The following LRRFIP1 variants were observed in gnomAD, a reference collection of about 807,000 sequenced individuals.
LRRFIP1 encodes leucine-rich repeat flightless-interacting protein 1.
A neutral mutation model predicts 104.4 loss-of-function variants in LRRFIP1; 62 were observed. That is an observed-to-expected ratio of 0.59 (90% CI 0.48 to 0.73). LRRFIP1 has a LOEUF of 0.73. Among genes scored for constraint, LRRFIP1 ranks in the 30% least tolerant of loss-of-function variants. The pLI is 0.00. For missense variants in LRRFIP1, 796 were observed against 824.5 expected, an observed-to-expected ratio of 0.97 and a Z score of 0.42; for synonymous variants, 300 against 299.0, an observed-to-expected ratio of 1.00 and a Z score of -0.03.
chr2:237,656,472 G>A (rs2086832823), intron 1 of LRRFIP1, among the ~76,000 whole-genome samples: 2 of 152,184 alleles, frequency 1.3e-5, no homozygotes. Context: ...AAGTTAACTA[G>A]TATTTACTGA....
In LRRFIP1 at chr2:237,739,279, C is replaced by T. The variant is rs759174577; in HGVS notation, c.603C>T (p.Ser201=). The change falls in exon 11 of 24, where the codon TCC becomes TCT. Residue 201 remains serine (S), a synonymous_variant. Transcript: ENST00000308482. Reference sequence around the variant, plus strand: ...TCAACTCCAGCTCCCGCGCCTCCTCCAGGGCCAGCTCGGCCCGGGCCAGCC... The same window carrying T: ...TCAACTCCAGCTCCCGCGCCTCCTCTAGGGCCAGCTCGGCCCGGGCCAGCC... The part of the protein sequence containing the change: ...GHLNSSSRAS[S]RASSARASPV... The T allele has an allele frequency of 3.2e-6, 5 of 1,564,388 alleles. No homozygotes were observed. The Admixed American group carries it at 5.6e-5, about 17-fold the overall frequency.
At chr2:237,684,749 T>G (rs912887174) in intron 1 of LRRFIP1, among the ~76,000 whole-genome samples, 1 of 152,108 alleles carries the variant, frequency 6.6e-6, no homozygotes, top group African/African-American at 2.4e-5. Context: ...TGTCGTGTTT[T>G]TAGAAGGTAA....
intron 16 of LRRFIP1, 27 bp downstream of exon 16, chr2:237,756,214 T>C: frequency 3.8e-6 from 6 of 1,567,594 alleles, no homozygotes; most frequent in Non-Finnish European, 3.5e-6. Context: ...TGCTTTTCTT[T>C]TCCTTTTTTC....
chr2:237,747,077 G>C (rs2057974628), intron 11 of LRRFIP1, among the ~76,000 whole-genome samples: 1 of 152,210 alleles, frequency 6.6e-6, no homozygotes, highest in Admixed American at 6.5e-5. Flanking sequence ...GAGACCATCT[G>C]ATGGCTTTGG....
intron 1 of LRRFIP1, among the ~76,000 whole-genome samples, chr2:237,658,219 C>G (rs2149442785): frequency 6.6e-6 from 1 of 152,084 alleles, no homozygotes; most frequent in East Asian, 1.9e-4. Flanking sequence ...TATAAAATAC[C>G]AAGGAATAAG....
rs1020008617 is a variant in LRRFIP1 at position 237,717,114 on chromosome 2, A to T, written c.202-648A>T. On this transcript the variant is annotated intron_variant, in intron 3 of 23. Coordinates refer to ENST00000308482, the MANE Select transcript of LRRFIP1 (RefSeq NM_001137550.2). This position sits in a 1 kb window ranked among gnomAD's most constrained non-coding sequence, Gnocchi z 4.2. ...TGGTCCAAGGAAGCCAAAAGATTGGACACCCCTGAGCTAATGTCACCTCCA... is the reference window on the plus strand; with the variant it reads ...TGGTCCAAGGAAGCCAAAAGATTGGTCACCCCTGAGCTAATGTCACCTCCA... Among the ~76,000 whole-genome samples the T allele has an allele frequency of 6.6e-6, 1 of 152,014 alleles. No homozygotes were observed. The highest frequency in any genetic ancestry group is 2.4e-5 in the African/African-American group (1 of 41,362).
At chr2:237,761,170 G>A (rs1338630740) in intron 19 of LRRFIP1, among the ~76,000 whole-genome samples, 1 of 152,198 alleles carries the variant, frequency 6.6e-6, no homozygotes, top group Non-Finnish European at 1.5e-5. Context: ...TCGCATTCCA[G>A]GGAGGTACCT....
intron 15 of LRRFIP1, among the ~76,000 whole-genome samples, chr2:237,754,939 C>T (rs1335120717): frequency 6.6e-6 from 1 of 152,198 alleles, no homozygotes. Flanking sequence ...GACACAGGGG[C>T]CATGCAAAGC....
Position 237,714,822 on chromosome 2 carries a change from T to C in LRRFIP1, c.201+546T>C, listed in dbSNP as rs564321385. Among the ~76,000 whole-genome samples, 5 of 152,228 alleles carry C rather than the reference T, an allele frequency of 3.3e-5. No individual in the cohort carries two copies. The South Asian group carries it at 1.0e-3, about 32-fold the overall frequency. On this transcript the variant is annotated intron_variant, in intron 3 of 23. Coordinates refer to ENST00000308482, the MANE Select transcript of LRRFIP1 (RefSeq NM_001137550.2). ...TGTAGAAGCAGCTGAGGTTTAGAAG[T>C]AAATACACTGGGCAGGCCAGATACA...
At chr2:237,757,857 C>T (rs1250757312) in intron 17 of LRRFIP1, among the ~76,000 whole-genome samples, 1 of 151,882 alleles carries the variant, frequency 6.6e-6, no homozygotes, top group Non-Finnish European at 1.5e-5. Flanking sequence ...GAGGAGGACA[C>T]TCTGAGGAGG....
rs758689322 is a variant in LRRFIP1, at chr2:237,762,637, C to T, written c.1459+2432C>T. 4.9e-5 allele frequency: 79 copies of T among 1,607,948 alleles called. 1 individual carries two copies. The South Asian group carries it at 6.4e-4, about 13-fold the overall frequency. On this transcript the variant is annotated intron_variant, in intron 19 of 23. Coordinates refer to ENST00000308482, the MANE Select transcript of LRRFIP1 (RefSeq NM_001137550.2). ...GTGAAGTGGAGGTGAAAAATGAAAT[C>T]GTGGCGAATGTGGGGAAAAGAGAAA...
intron 8 of LRRFIP1, among the ~76,000 whole-genome samples, chr2:237,732,372 T>A (rs1559711974): frequency 6.6e-6 from 1 of 152,208 alleles, no homozygotes. Context: ...GGTGGTGGCC[T>A]GGCTCCCACA....
At chr2:237,650,564 G>A (rs1208267512) in intron 1 of LRRFIP1, among the ~76,000 whole-genome samples, 12 of 152,250 alleles carry the variant, frequency 7.9e-5, no homozygotes, top group Admixed American at 7.8e-4. Flanking sequence ...TGACTCCTGT[G>A]TGAATGACCA....
Position 237,774,385 on chromosome 2 carries a change from C to G in LRRFIP1, c.1735C>G (p.Arg579Gly). The part of the protein sequence containing the change: ...NVIRLESQVS[R>G]YKSAAENAEK... ...AATAAGGTTAGAGAGTCAAGTATCA[C>G]GTTACAAATCAGCGGCTGAAAATGC... The change falls in exon 23 of 24, where the codon CGT (arginine) becomes GGT (glycine). Residue 579 changes from arginine to glycine, a missense_variant. Transcript: ENST00000308482. 1 of 1,613,136 alleles carries G rather than the reference C, an allele frequency of 6.2e-7. No homozygotes were observed.
At chr2:237,768,535 G>A (rs767927867) in intron 19 of LRRFIP1, 1 of 152,142 alleles carries the variant, frequency 6.6e-6, no homozygotes, top group Non-Finnish European at 1.5e-5. Flanking sequence ...TTGGGCAAAA[G>A]AATCAGGTTC....
At chr2:237,734,284 T>TTTTC (rs1210576215) in intron 9 of LRRFIP1, among the ~76,000 whole-genome samples, 1 of 136,802 alleles carries the variant, frequency 7.3e-6, no homozygotes, top group East Asian at 2.2e-4. Flanking sequence ...TTTTTTTTTT[T>TTTTC]TTTTTTTTTT....
At position 237,666,920 on chromosome 2, in the gene LRRFIP1, CTTTCTTTCTTTCTTTCTTTCTTTCTT is replaced by C. The variant is rs1404809106; in HGVS notation, c.96+39203_96+39228del. ...TTTTCCCTCCCTGCCTTCCTGCTTT[CTTTCTTTCTTTCTTTCTTTCTTTCTT>C]TTTCTTTCTTTCTTTCTTTCTTGTT... On this transcript the variant is annotated intron_variant, in intron 1 of 23. Coordinates refer to ENST00000308482, the MANE Select transcript of LRRFIP1 (RefSeq NM_001137550.2). 3.4e-3 allele frequency among the ~76,000 whole-genome samples: 16 copies of C among 4,660 alleles called. No homozygotes were observed. The East Asian group carries it at 0.037, about 11-fold the overall frequency. 3.1% of individuals were successfully genotyped at this position (4,660 alleles called of 152,430 possible).
At chr2:237,765,166 G>A (rs2060174768) in intron 19 of LRRFIP1, 1 of 177,338 alleles carries the variant, frequency 5.6e-6, no homozygotes, top group Non-Finnish European at 1.1e-5. Context: ...CAGAGGCTGA[G>A]GCAGGAGAAT....
chr2:237,656,540 C>T (rs892060574), intron 1 of LRRFIP1, among the ~76,000 whole-genome samples: 1 of 152,126 alleles, frequency 6.6e-6, no homozygotes, highest in African/African-American at 2.4e-5. Flanking sequence ...TGGCTGTGGC[C>T]CTGAGCTCTC....
Sources: gnomAD v4.1 joint callset for allele counts (sites outside exome capture counted in the v4.1 genomes callset) on GRCh38, gnomAD v4.1.1 for gene constraint, Gnocchi (gnomAD v3.1) non-coding constraint, MANE v1.5 for transcripts, NCBI Gene and HGNC (gene_info 2026-07-23, HGNC 2026-07-21) for gene names.